Variants in PTPRD observed in about 807,000 individuals in gnomAD.
PTPRD encodes the protein protein tyrosine phosphatase receptor type D, also known as receptor-type tyrosine-protein phosphatase delta.
Under a neutral mutation model 214.5 loss-of-function variants are expected in PTPRD, and 34 were observed. The ratio of observed to expected loss-of-function variants is 0.16; its 90% confidence interval spans 0.12 to 0.21. PTPRD has a LOEUF of 0.21. Ranked by LOEUF, PTPRD falls within the 10% of genes least tolerant of loss-of-function variation. PTPRD has a pLI of 1.00. For missense variants in PTPRD, 2,545 were observed against 2,398.7 expected (o/e 1.06, Z -1.27); for synonymous variants, 1,128 against 845.7 (o/e 1.33, Z -5.79).
intron 8 of PTPRD, among the ~76,000 whole-genome samples, chr9:9,487,893 G>A (rs1345459139): frequency 6.6e-6 from 1 of 152,010 alleles, no homozygotes; most frequent in Admixed American, 6.6e-5. Flanking sequence ...GAAGTGATGT[G>A]GAAAATGCAC....
chr9:8,517,241 T>C (rs530898837), intron 21 of PTPRD, among the ~76,000 whole-genome samples: 1 of 152,236 alleles, frequency 6.6e-6, no homozygotes, highest in East Asian at 1.9e-4. Flanking sequence ...TTTTCCTTCA[T>C]AAAATAGTCT....
chr9:8,506,988 GTATT>G (rs2097555458), intron 22 of PTPRD, among the ~76,000 whole-genome samples: 1 of 152,156 alleles, frequency 6.6e-6, no homozygotes, highest in East Asian at 1.9e-4. Context: ...GTCTCATTGA[GTATT>G]TATTCTTCCA....
chr9:8,823,927 G>A (rs943802081), intron 11 of PTPRD, among the ~76,000 whole-genome samples: 1 of 152,198 alleles, frequency 6.6e-6, no homozygotes, highest in Non-Finnish European at 1.5e-5. Flanking sequence ...ATTTCTTGAT[G>A]ATATGCTAAA....
chr9:8,459,178 C>A (rs1011854901), intron 33 of PTPRD, among the ~76,000 whole-genome samples: 5 of 151,674 alleles, frequency 3.3e-5, no homozygotes, highest in African/African-American at 1.2e-4. Context: ...ATAAACCCCC[C>A]AAAAGGGAGC....
At chr9:8,467,378 CAAT>C (rs1312332529) in intron 31 of PTPRD, among the ~76,000 whole-genome samples, 1 of 151,758 alleles carries the variant, frequency 6.6e-6, no homozygotes, top group Admixed American at 6.6e-5. Flanking sequence ...ATAATTATAA[CAAT>C]AATAGTTTTC....
intron 5 of PTPRD, among the ~76,000 whole-genome samples, chr9:9,878,036 C>T (rs1324980497): frequency 6.6e-6 from 1 of 150,968 alleles, no homozygotes; most frequent in Non-Finnish European, 1.5e-5. Context: ...GGTTGCCCCT[C>T]TAAAATTCAA....
intron 11 of PTPRD, among the ~76,000 whole-genome samples, chr9:8,878,412 A>G (rs965638507): frequency 6.6e-6 from 1 of 152,212 alleles, no homozygotes; most frequent in African/African-American, 2.4e-5. Context: ...TGGGGAACAA[A>G]AATGGAAGAA....
At chr9:10,376,599 C>G (rs2097733021) in intron 2 of PTPRD, among the ~76,000 whole-genome samples, 1 of 151,736 alleles carries the variant, frequency 6.6e-6, no homozygotes. Context: ...ATCCCCCTAT[C>G]TCATAGACAG....
At chr9:9,968,196 A>C (rs1440116244) in intron 4 of PTPRD, among the ~76,000 whole-genome samples, 2 of 152,212 alleles carry the variant, frequency 1.3e-5, no homozygotes, top group Non-Finnish European at 2.9e-5. Flanking sequence ...AGTAATAACC[A>C]CATGCAGTGT....
At chr9:9,103,748 A>C (rs2099794599) in intron 10 of PTPRD, among the ~76,000 whole-genome samples, 1 of 152,184 alleles carries the variant, frequency 6.6e-6, no homozygotes. Flanking sequence ...TTGGAGGCCA[A>C]GATGGGTGGA....
intron 12 of PTPRD, among the ~76,000 whole-genome samples, chr9:8,644,765 G>A (rs1199867660): frequency 1.3e-5 from 2 of 152,204 alleles, no homozygotes; most frequent in Non-Finnish European, 2.9e-5. Context: ...CGGCCAACAT[G>A]TCTGACTGTG....
intron 3 of PTPRD, among the ~76,000 whole-genome samples, chr9:10,057,088 T>C (rs1046180517): frequency 6.6e-5 from 10 of 152,164 alleles, no homozygotes; most frequent in Non-Finnish European, 1.3e-4. Flanking sequence ...TCCCATCTTA[T>C]TCCCCAAATA....
At chr9:9,689,885 A>G (rs776046846) in intron 7 of PTPRD, among the ~76,000 whole-genome samples, 3 of 151,848 alleles carry the variant, frequency 2.0e-5, no homozygotes, top group Non-Finnish European at 4.4e-5. Flanking sequence ...TTCATCCATT[A>G]CTAGGCACTT....
At chr9:9,655,084 T>C (rs920864071) in intron 7 of PTPRD, among the ~76,000 whole-genome samples, 2 of 152,124 alleles carry the variant, frequency 1.3e-5, no homozygotes, top group African/African-American at 4.8e-5. Context: ...AATATATTTA[T>C]TCTAAACCTA....
intron 2 of PTPRD, among the ~76,000 whole-genome samples, chr9:10,521,974 G>T (rs922649611): frequency 4.6e-5 from 7 of 152,074 alleles, no homozygotes; most frequent in African/African-American, 1.7e-4. Context: ...AGGTATGTCT[G>T]TATGGTCTTT....
rs559523050 is a variant in PTPRD at position 9,847,553 on chromosome 9, A to G, written c.-367-80702T>C. Among the ~76,000 whole-genome samples the G allele has an allele frequency of 5.9e-5, 9 of 152,170 alleles. No individual in the cohort carries two copies. In the South Asian group the frequency reaches 1.9e-3, roughly 32 times the overall value. On this transcript the variant is annotated intron_variant, in intron 5 of 45. Coordinates refer to ENST00000381196, the MANE Select transcript of PTPRD (RefSeq NM_002839.4). ...GCACAGTCACCCCACTTTTTCACCA[A>G]TGCCCCCTAGGTTTGTCATATTCTT... is the stretch of plus-strand genomic sequence containing the variant.
Position 9,703,200 on chromosome 9 carries a change from C to T in PTPRD, c.-287+31333G>A, listed in dbSNP as rs145510526. On this transcript the variant is annotated intron_variant, in intron 7 of 45. Transcript: ENST00000381196. Reference sequence around the variant, plus strand: ...CTCACACACTCTTGCTCTCTCTTGCCGTCTTGTGCCTGCTTCCCTTTCACC... The same window carrying T: ...CTCACACACTCTTGCTCTCTCTTGCTGTCTTGTGCCTGCTTCCCTTTCACC... Among the ~76,000 whole-genome samples, 46 of 152,160 alleles carry T rather than the reference C, an allele frequency of 3.0e-4. No homozygotes were observed. The East Asian group carries it at 8.3e-3, about 28-fold the overall frequency.
At position 9,017,199 on chromosome 9, in the gene PTPRD, C is replaced by A. The variant is rs113625287; in HGVS notation, c.-104+1498G>T. Among the ~76,000 whole-genome samples the A allele has an allele frequency of 1.1e-3, 164 of 152,162 alleles. 1 individual carries two copies. Among genetic ancestry groups the A allele is most frequent in the Non-Finnish European group, 1.8e-3 (121 of 67,996 alleles). Reference sequence around the variant, plus strand: ...CATGAACAACAGCAACAACCATAAACGAACAACCATACTTTTCCAAGTGCT... The same window carrying A: ...CATGAACAACAGCAACAACCATAAAAGAACAACCATACTTTTCCAAGTGCT... On this transcript the variant is annotated intron_variant, in intron 11 of 45. Transcript: ENST00000381196.
intron 33 of PTPRD, among the ~76,000 whole-genome samples, chr9:8,450,380 A>C (rs1396243766): frequency 6.6e-6 from 1 of 152,134 alleles, no homozygotes; most frequent in Non-Finnish European, 1.5e-5. Context: ...AGTTATCCTA[A>C]TGCCTAGGAT....
Sources: gnomAD v4.1 joint callset for allele counts (sites outside exome capture counted in the v4.1 genomes callset) on GRCh38, gnomAD v4.1.1 for gene constraint, MANE v1.5 for transcripts, NCBI Gene and HGNC (gene_info 2026-07-23, HGNC 2026-07-21) for gene names.